GNAO1: variants seen among roughly 807,000 people sequenced by gnomAD.
The protein encoded by GNAO1 is guanine nucleotide-binding protein G(o) subunit alpha.
For synonymous variants in GNAO1, 164 were observed against 180.7 expected (o/e 0.91, Z 0.74); for missense variants, 166 against 478.7 (o/e 0.35, Z 6.10).
intron 2 of GNAO1, among the ~76,000 whole-genome samples, chr16:56,253,266 C>T (rs536255163): frequency 1.4e-4 from 21 of 152,256 alleles, no homozygotes; most frequent in Admixed American, 3.3e-4. Flanking sequence ...TGTGACTGAT[C>T]GACTCCTCCT....
At chr16:56,261,946 G>A (rs558293112) in intron 2 of GNAO1, among the ~76,000 whole-genome samples, 2 of 152,292 alleles carry the variant, frequency 1.3e-5, no homozygotes, top group Admixed American at 6.5e-5. Context: ...TGACTGAAAC[G>A]TGTTGTCTCA....
chr16:56,348,981 C>T (rs1350481624), intron 6 of GNAO1, among the ~76,000 whole-genome samples: 1 of 152,190 alleles, frequency 6.6e-6, no homozygotes, highest in African/African-American at 2.4e-5. Context: ...AGAGCAGGAG[C>T]CTGATGTGGT....
chr16:56,263,720 G>A (rs1235899803), intron 2 of GNAO1, among the ~76,000 whole-genome samples: 1 of 152,178 alleles, frequency 6.6e-6, no homozygotes, highest in Non-Finnish European at 1.5e-5. Flanking sequence ...TGGCAAAGAT[G>A]TAGACGTAGA....
Position 56,336,874 on chromosome 16 carries a change from GC to G in GNAO1, c.723+20del, listed in dbSNP as rs764028554. On this transcript the variant is annotated intron_variant, in intron 6 of 8. Transcript: ENST00000262493. ...GACGAAACCACGGTGAGTGGCCTGGGCCCCCCGGGCAGGGGGCAGCGCTGAG... is the reference window on the plus strand; with the variant it reads ...GACGAAACCACGGTGAGTGGCCTGGGCCCCCGGGCAGGGGGCAGCGCTGAG... 5 of 1,604,414 alleles carry G rather than the reference GC, an allele frequency of 3.1e-6. No individual in the cohort carries two copies. The highest frequency in any genetic ancestry group is 3.4e-6 in the Non-Finnish European group (4 of 1,177,378).
At chr16:56,350,910 C>T (rs1409085090) in intron 6 of GNAO1, among the ~76,000 whole-genome samples, 2 of 152,174 alleles carry the variant, frequency 1.3e-5, no homozygotes, top group African/African-American at 2.4e-5. Context: ...CACAGGCACA[C>T]ACACAGGCAC....
intron 2 of GNAO1, among the ~76,000 whole-genome samples, chr16:56,241,306 A>G (rs1667572699): frequency 6.6e-6 from 1 of 152,172 alleles, no homozygotes; most frequent in Admixed American, 6.5e-5. Flanking sequence ...TCACTTCTCA[A>G]GCCCTGTCCT....
intron 2 of GNAO1, among the ~76,000 whole-genome samples, chr16:56,241,510 T>C (rs1370038139): frequency 6.6e-6 from 1 of 152,260 alleles, no homozygotes; most frequent in Non-Finnish European, 1.5e-5. Flanking sequence ...TAGTCTGTTA[T>C]AGGTTTGTTT....
At chr16:56,258,718 C>T (rs1318624085) in intron 2 of GNAO1, among the ~76,000 whole-genome samples, 2 of 152,254 alleles carry the variant, frequency 1.3e-5, no homozygotes, top group Non-Finnish European at 2.9e-5. Flanking sequence ...CTCTGGGCAG[C>T]CCCTGCCTGT....
At chr16:56,262,250 G>T (rs1173861700) in intron 2 of GNAO1, among the ~76,000 whole-genome samples, 2 of 152,190 alleles carry the variant, frequency 1.3e-5, no homozygotes, top group Non-Finnish European at 2.9e-5. Flanking sequence ...TCACCACCGC[G>T]CCCCACAGCA....
intron 2 of GNAO1, chr16:56,193,587 A>G (rs1386529481): frequency 6.4e-6 from 1 of 157,428 alleles, no homozygotes. Flanking sequence ...GTGATGGTTG[A>G]AAATTAAAAC....
At chr16:56,290,542 G>C (rs2037220696) in intron 3 of GNAO1, among the ~76,000 whole-genome samples, 1 of 152,156 alleles carries the variant, frequency 6.6e-6, no homozygotes. Flanking sequence ...GAATGAGTTT[G>C]GAACCTGAGT....
intron 2 of GNAO1, among the ~76,000 whole-genome samples, chr16:56,245,845 T>C (rs1164850615): frequency 2.0e-5 from 3 of 152,162 alleles, no homozygotes; most frequent in Admixed American, 6.5e-5. Context: ...GGTAGACTTA[T>C]AAAAATTGTG....
intron 2 of GNAO1, among the ~76,000 whole-genome samples, chr16:56,225,059 G>A (rs1343736792): frequency 1.3e-5 from 2 of 152,262 alleles, no homozygotes; most frequent in African/African-American, 4.8e-5. Flanking sequence ...ATGGGAGCCA[G>A]CTAAGGTAGG....
At chr16:56,207,158 G>GTTTA (rs1373106165) in intron 2 of GNAO1, among the ~76,000 whole-genome samples, 1 of 152,220 alleles carries the variant, frequency 6.6e-6, no homozygotes, top group East Asian at 1.9e-4. Context: ...AAGAAACTGA[G>GTTTA]GCGAAAATAA....
At chr16:56,295,275 C>T (rs2037274709) in intron 3 of GNAO1, among the ~76,000 whole-genome samples, 1 of 152,118 alleles carries the variant, frequency 6.6e-6, no homozygotes, top group South Asian at 2.1e-4. Flanking sequence ...GTCAGACAGT[C>T]CTGGGTCCAA....
Position 56,191,925 on chromosome 16 carries a change from C to T in GNAO1, c.-311C>T, listed in dbSNP as rs1039196714. On this transcript the variant is annotated 5_prime_UTR_variant, in exon 1 of 9. Transcript: ENST00000262493. This position sits in a 1 kb window ranked among gnomAD's most constrained non-coding sequence, Gnocchi z 4.7. Reference sequence around the variant, plus strand: ...TTTGGGTCGTGCACAAGCCTCAGTGCCTGCAGTCCGCGCCTCCTCGGCCCG... The same window carrying T: ...TTTGGGTCGTGCACAAGCCTCAGTGTCTGCAGTCCGCGCCTCCTCGGCCCG... The T allele has an allele frequency of 1.5e-4, 65 of 439,266 alleles. No individual in the cohort carries two copies. Among genetic ancestry groups the T allele is most frequent in the African/African-American group, 1.3e-3 (64 of 49,950 alleles). 27.2% of individuals were successfully genotyped at this position (439,266 alleles called of 1,614,324 possible).
At chr16:56,287,571 G>A (rs1439714347) in intron 3 of GNAO1, among the ~76,000 whole-genome samples, 2 of 152,206 alleles carry the variant, frequency 1.3e-5, no homozygotes, top group South Asian at 2.1e-4. Context: ...CCCTCCTCTT[G>A]CCCATACCTC....
At chr16:56,281,289 G>A (rs1367105047) in intron 3 of GNAO1, among the ~76,000 whole-genome samples, 2 of 152,038 alleles carry the variant, frequency 1.3e-5, no homozygotes, top group African/African-American at 4.8e-5. Flanking sequence ...GTCTCTCTAA[G>A]AATATGAAAA....
intron 2 of GNAO1, among the ~76,000 whole-genome samples, chr16:56,227,763 C>T (rs531987585): frequency 2.0e-5 from 3 of 148,908 alleles, no homozygotes; most frequent in Non-Finnish European, 4.5e-5. Context: ...CCACCTCTTT[C>T]CCTGGCTTTA....
Sources: allele counts gnomAD v4.1 joint callset (sites outside exome capture counted in the v4.1 genomes callset), GRCh38; gene constraint gnomAD v4.1.1; non-coding constraint Gnocchi (gnomAD v3.1); transcripts MANE v1.5; gene names NCBI Gene and HGNC (gene_info 2026-07-23, HGNC 2026-07-21).